MED15: variants seen among roughly 807,000 people sequenced by gnomAD.
MED15 encodes mediator of RNA polymerase II transcription subunit 15.
Under a neutral mutation model 118.7 loss-of-function variants are expected in MED15, and 41 were observed. The ratio of observed to expected loss-of-function variants is 0.35; its 90% CI spans 0.27 to 0.45. The LOEUF is 0.45. Ranked by LOEUF, MED15 falls within the 20% of genes least tolerant of loss-of-function variation. MED15 has a pLI of 1.00. For missense variants in MED15, 740 were observed against 1,025.5 expected (o/e 0.72, Z 3.80); for synonymous variants, 436 against 413.9 (o/e 1.05, Z -0.65).
intron 9 of MED15, among the ~76,000 whole-genome samples, chr22:20,580,681 G>C (rs2056955012): frequency 6.6e-6 from 1 of 152,158 alleles, no homozygotes; most frequent in Admixed American, 6.5e-5. Context: ...TTCTGGCCTT[G>C]GGATTTTGTT....
chr22:20,533,474 G>T (rs2054933663), intron 1 of MED15, among the ~76,000 whole-genome samples: 1 of 152,208 alleles, frequency 6.6e-6, no homozygotes, highest in African/African-American at 2.4e-5. Flanking sequence ...TCTGTTACTG[G>T]CCACCAAACC....
intron 9 of MED15, 119 bp downstream of exon 9, chr22:20,575,351 T>A: frequency 1.5e-6 from 2 of 1,307,266 alleles, no homozygotes; most frequent in Non-Finnish European, 2.0e-6. Flanking sequence ...GCTTTCAGAG[T>A]GCCAAACCCA....
At chr22:20,553,313 G>A (rs1439088378) in intron 4 of MED15, 139 bp downstream of exon 4, 12 of 870,096 alleles carry the variant, frequency 1.4e-5, no homozygotes, top group Non-Finnish European at 2.2e-5. Flanking sequence ...CTGGAGGGAG[G>A]AGGCTGACCA....
intron 1 of MED15, among the ~76,000 whole-genome samples, chr22:20,530,873 G>C (rs1601492252): frequency 6.6e-6 from 1 of 152,188 alleles, no homozygotes; most frequent in South Asian, 2.1e-4. Flanking sequence ...GTCTGCTGAG[G>C]AGGGGGCAAC....
Position 20,526,746 on chromosome 22 carries a change from G to A in MED15, c.69-10371G>A, listed in dbSNP as rs543636461. Among the ~76,000 whole-genome samples the A allele has an allele frequency of 2.1e-3, 323 of 152,274 alleles. 1 individual carries two copies. Among genetic ancestry groups the A allele is most frequent in the Non-Finnish European group, 3.8e-3 (261 of 68,014 alleles). ...CATCCACCTCGGCCTCCCAAAGGAG[G>A]TGGGCGGTGACCCTCTTGGACCTCC... On this transcript the variant is annotated intron_variant, in intron 1 of 17. Coordinates refer to ENST00000263205, the MANE Select transcript of MED15 (RefSeq NM_001003891.3).
At chr22:20,554,825 G>A in intron 4 of MED15, 111 bp from the exon 5 acceptor site, 1 of 1,060,206 alleles carries the variant, frequency 9.4e-7, no homozygotes, top group Non-Finnish European at 1.4e-6. Flanking sequence ...GCTGTGAGGG[G>A]ATTGAGCCTG....
At chr22:20,575,468 C>T (rs535823068) in intron 9 of MED15, among the ~76,000 whole-genome samples, 17 of 151,102 alleles carry the variant, frequency 1.1e-4, no homozygotes, top group East Asian at 5.9e-4. Flanking sequence ...TTATACTGTA[C>T]GCATTTTCAT....
At position 20,537,959 on chromosome 22, in the gene MED15, G is replaced by A. The variant is rs184509175; in HGVS notation, c.156+755G>A. ...ATTATGGATACGTGTCACTGAGGTG[G>A]GGTAGAGTGGGCTCTGTACTACGGA... On this transcript the variant is annotated intron_variant, in intron 2 of 17. Coordinates refer to ENST00000263205, the MANE Select transcript of MED15 (RefSeq NM_001003891.3). Among the ~76,000 whole-genome samples, 4 of 152,282 alleles carry A rather than the reference G, an allele frequency of 2.6e-5. No individual in the cohort carries two copies. The East Asian group carries it at 7.7e-4, about 29-fold the overall frequency.
chr22:20,573,973 C>T (rs1324744299), intron 8 of MED15: 1 of 152,244 alleles, frequency 6.6e-6, no homozygotes, highest in Non-Finnish European at 1.5e-5. Flanking sequence ...CGGCGTCTGC[C>T]ATGCCGTGTC....
Position 20,521,400 on chromosome 22 carries a change from G to GT in MED15, c.68+13659dup, listed in dbSNP as rs202059304. ...GCATGAGCCACCATGCCCAGCCTGTGTTTTTGTTTTTTTTGAGACTGAGTC... is the reference window on the plus strand; with the variant it reads ...GCATGAGCCACCATGCCCAGCCTGTGTTTTTTGTTTTTTTTGAGACTGAGTC... On this transcript the variant is annotated intron_variant, in intron 1 of 17. Transcript: ENST00000263205. Among the ~76,000 whole-genome samples the GT allele has an allele frequency of 9.1e-3, 1,319 of 144,394 alleles. 25 individuals carry two copies. The highest frequency in any genetic ancestry group is 0.031 in the African/African-American group (1,187 of 38,870). 94.7% of individuals were successfully genotyped at this position (144,394 alleles called of 152,430 possible). A position where few individuals can be genotyped will look rare whatever the true frequency, so the allele number is the denominator to read the frequency against.
chr22:20,564,316 A>G (rs1019197769), intron 5 of MED15, 134 bp from the exon 6 acceptor site: 3 of 1,459,314 alleles, frequency 2.1e-6, no homozygotes, highest in Admixed American at 4.4e-5. Flanking sequence ...TCTGTGGTAA[A>G]TGGAACGTTC....
intron 9 of MED15, among the ~76,000 whole-genome samples, chr22:20,578,699 C>T (rs529263691): frequency 3.9e-5 from 6 of 152,354 alleles, no homozygotes; most frequent in Admixed American, 3.3e-4. Context: ...CTGCTGTCTC[C>T]AGTGTGTCCA....
At position 20,551,488 on chromosome 22, in the gene MED15, G is replaced by C. The variant is rs780375024; in HGVS notation, c.208+1G>C. 6.2e-7 allele frequency: 1 copy of C among 1,613,840 alleles called. No homozygotes were observed. The highest frequency in any genetic ancestry group is 1.7e-5 in the Admixed American group (1 of 60,024). On this transcript the variant is annotated splice_donor_variant, in intron 3 of 17. Coordinates refer to ENST00000263205, the MANE Select transcript of MED15 (RefSeq NM_001003891.3). LOFTEE classifies it high-confidence loss of function. ...CTCATTATCCATTTTCGAGACATTCGTAAGTAAGATTTTGCATTTCTGGGT... is the reference window on the plus strand; with the variant it reads ...CTCATTATCCATTTTCGAGACATTCCTAAGTAAGATTTTGCATTTCTGGGT...
At chr22:20,554,771 T>C (rs1338418787) in intron 4 of MED15, 165 bp from the exon 5 acceptor site, 8 of 639,932 alleles carry the variant, frequency 1.3e-5, no homozygotes, top group Non-Finnish European at 1.6e-5. Flanking sequence ...TCCTAGCCAT[T>C]CATATTTGGG....
chr22:20,566,574 CCAGCCACCAATTCAG>C lies in MED15; in HGVS notation c.807_821del (p.Ile270_Pro274del), dbSNP rs757497835. On this transcript the variant is annotated inframe_deletion, in exon 7 of 18. Coordinates refer to ENST00000263205, the MANE Select transcript of MED15 (RefSeq NM_001003891.3). ...AGCAGCAGCAGCAGGCTTTGCAGGC[CCAGCCACCAATTCAG>C]CAGCCACCGATGCAGCAGCCACAGC... 1.4e-5 allele frequency: 22 copies of C among 1,612,792 alleles called. 1 individual carries two copies. The highest frequency in any genetic ancestry group is 1.3e-4 in the Admixed American group (8 of 59,936).
At chr22:20,581,491 G>T (rs1028769372) in intron 9 of MED15, among the ~76,000 whole-genome samples, 7 of 152,228 alleles carry the variant, frequency 4.6e-5, no homozygotes, top group Non-Finnish European at 8.8e-5. Flanking sequence ...TTGGTCTACA[G>T]AAATGGATGG....
chr22:20,527,803 A>G (rs2054704782), intron 1 of MED15, among the ~76,000 whole-genome samples: 1 of 151,964 alleles, frequency 6.6e-6, no homozygotes, highest in Non-Finnish European at 1.5e-5. Context: ...ACTAAAAATC[A>G]AAAATTAGCT....
chr22:20,564,682 G>A lies in MED15; in HGVS notation c.684G>A (p.Gln228=). 1 of 1,614,216 alleles carries A rather than the reference G, an allele frequency of 6.2e-7. No homozygotes were observed. Among genetic ancestry groups the A allele is most frequent in the African/African-American group, 1.3e-5 (1 of 75,056 alleles). Reference sequence around the variant, plus strand: ...TAATTAAATTGCATCATCAAAATCAGCAACAGGTACCAGGTCCCCTGTTCC... The same window carrying A: ...TAATTAAATTGCATCATCAAAATCAACAACAGGTACCAGGTCCCCTGTTCC... ...QHLIKLHHQN[Q]QQIQQQQQQL... is the part of the protein sequence containing the mutation. The change falls in exon 6 of 18, where the codon CAG becomes CAA. Residue 228 remains glutamine (Q), a synonymous_variant. Coordinates refer to ENST00000263205, the MANE Select transcript of MED15 (RefSeq NM_001003891.3).
rs372303013 is a variant in MED15, at chr22:20,542,361, A to C, written c.156+5157A>C. 2.0e-5 allele frequency among the ~76,000 whole-genome samples: 3 copies of C among 152,260 alleles called. No homozygotes were observed. In the East Asian group the frequency reaches 5.8e-4, roughly 29 times the overall value. On this transcript the variant is annotated intron_variant, in intron 2 of 17. Coordinates refer to ENST00000263205, the MANE Select transcript of MED15 (RefSeq NM_001003891.3). ...GATGAATGGATAAACAGAATGTAGA[A>C]TATCCATACAATGAATATCATGTGG...
Sources: gnomAD v4.1 joint callset for allele counts (sites outside exome capture counted in the v4.1 genomes callset) on GRCh38, gnomAD v4.1.1 for gene constraint, MANE v1.5 for transcripts, NCBI Gene and HGNC (gene_info 2026-07-23, HGNC 2026-07-21) for gene names.